KCNH7: variants seen among roughly 807,000 people sequenced by gnomAD.
The protein encoded by KCNH7 is voltage-gated inwardly rectifying potassium channel KCNH7.
In KCNH7, 49 loss-of-function variants were observed where a neutral mutation model predicts 120.8. The observed-to-expected ratio is 0.41, with a 90% CI of 0.32 to 0.51. The LOEUF (loss-of-function observed/expected upper bound fraction) is 0.51, where lower values mean the gene tolerates loss of function less well. Ranked by LOEUF, KCNH7 falls within the 20% of genes least tolerant of loss-of-function variation. The probability of loss-of-function intolerance (pLI) is 0.38; values close to 1 mark genes in which losing one functional copy is unlikely to be tolerated. For missense variants in KCNH7, 1,097 were observed against 1,446.6 expected (o/e 0.76, Z 3.92); for synonymous variants, 547 against 516.1 (o/e 1.06, Z -0.81).
intron 6 of KCNH7, among the ~76,000 whole-genome samples, chr2:162,459,330 AAGT>A (rs1440434674): frequency 6.6e-6 from 1 of 152,130 alleles, no homozygotes; most frequent in Non-Finnish European, 1.5e-5. Flanking sequence ...ATGCAAATAA[AAGT>A]ATAGGAAATT....
intron 2 of KCNH7, among the ~76,000 whole-genome samples, chr2:162,654,500 GTGT>G (rs566794340): frequency 1.1e-4 from 16 of 152,048 alleles, no homozygotes; most frequent in African/African-American, 3.9e-4. Context: ...AAGATAATAA[GTGT>G]TGGTAAGAAT....
intron 6 of KCNH7, among the ~76,000 whole-genome samples, chr2:162,503,339 G>A (rs1670035684): frequency 6.6e-6 from 1 of 151,966 alleles, no homozygotes; most frequent in African/African-American, 2.4e-5. Flanking sequence ...AATAAAATGT[G>A]CGTAACAGTA....
In KCNH7 at chr2:162,703,598, C is replaced by T. The variant is rs148453076; in HGVS notation, c.307+132939G>A. 1.1e-4 allele frequency among the ~76,000 whole-genome samples: 17 copies of T among 152,116 alleles called. No individual in the cohort carries two copies. The East Asian group carries it at 2.3e-3, about 21-fold the overall frequency. On this transcript the variant is annotated intron_variant, in intron 2 of 15. Coordinates refer to ENST00000332142, the MANE Select transcript of KCNH7 (RefSeq NM_033272.4). The stretch of plus-strand genomic sequence containing the variant: ...TTCAAATGACACATGTGCTTAAACA[C>T]GGAGAATGTTAAACATTGTATAAGA...
At chr2:162,689,182 C>T (rs956978533) in intron 2 of KCNH7, among the ~76,000 whole-genome samples, 4 of 145,954 alleles carry the variant, frequency 2.7e-5, no homozygotes, top group African/African-American at 1.0e-4. Flanking sequence ...GATGGAGTTT[C>T]ACTCTTGTTG....
At chr2:162,796,387 A>T (rs1684148192) in intron 2 of KCNH7, 1 of 152,120 alleles carries the variant, frequency 6.6e-6, no homozygotes, top group Admixed American at 6.6e-5. Flanking sequence ...AAGTAAAAAA[A>T]AAACCTGCTC....
In KCNH7 at chr2:162,571,105, T is replaced by C. The variant is rs1269177181; in HGVS notation, c.308-34025A>G. 2.0e-5 allele frequency among the ~76,000 whole-genome samples: 3 copies of C among 151,918 alleles called. No homozygotes were observed. In the East Asian group the frequency reaches 5.9e-4, roughly 30 times the overall value. ...CAATTAGGAAAAGAGGAAGTCAAAT[T>C]GTCCCTGTTTGCAGATGACATGATT... On this transcript the variant is annotated intron_variant, in intron 2 of 15. Coordinates refer to ENST00000332142, the MANE Select transcript of KCNH7 (RefSeq NM_033272.4).
chr2:162,428,647 A>G (rs1687947982), intron 8 of KCNH7, among the ~76,000 whole-genome samples: 1 of 151,852 alleles, frequency 6.6e-6, no homozygotes, highest in Non-Finnish European at 1.5e-5. Context: ...ATAATTATGA[A>G]TTTGTCTTGT....
intron 2 of KCNH7, among the ~76,000 whole-genome samples, chr2:162,766,345 AC>A (rs1464055598): frequency 6.6e-6 from 1 of 152,168 alleles, no homozygotes; most frequent in East Asian, 1.9e-4. Context: ...CAAAAATCCA[AC>A]TACAAGAAAG....
intron 2 of KCNH7, among the ~76,000 whole-genome samples, chr2:162,728,881 A>G (rs1378089068): frequency 6.6e-6 from 1 of 152,212 alleles, no homozygotes; most frequent in Non-Finnish European, 1.5e-5. Flanking sequence ...TGCTTAATGC[A>G]AAAGTATGAA....
At chr2:162,824,783 G>A (rs1685227602) in intron 2 of KCNH7, among the ~76,000 whole-genome samples, 1 of 151,860 alleles carries the variant, frequency 6.6e-6, no homozygotes, top group Non-Finnish European at 1.5e-5. Flanking sequence ...CTAGAAGATT[G>A]TTTATTTATT....
chr2:162,786,130 C>G lies in KCNH7; in HGVS notation c.307+50407G>C, dbSNP rs189416198. On this transcript the variant is annotated intron_variant, in intron 2 of 15. Coordinates refer to ENST00000332142, the MANE Select transcript of KCNH7 (RefSeq NM_033272.4). The stretch of plus-strand genomic sequence containing the variant: ...TGGTGGTGTGTGCCTGTAATCCCAG[C>G]TACTCAGGGGGCTGAGGCAGGGGAA... Among the ~76,000 whole-genome samples, 15 of 151,694 alleles carry G rather than the reference C, an allele frequency of 9.9e-5. No individual in the cohort carries two copies. In the East Asian group the frequency reaches 2.9e-3, roughly 30 times the overall value.
At chr2:162,769,441 A>T (rs1682954040) in intron 2 of KCNH7, among the ~76,000 whole-genome samples, 1 of 152,126 alleles carries the variant, frequency 6.6e-6, no homozygotes, top group African/African-American at 2.4e-5. Flanking sequence ...AAACAAATTT[A>T]ATGAATATTC....
At chr2:162,536,538 AT>A (rs1244412677) in intron 3 of KCNH7, among the ~76,000 whole-genome samples, 2 of 151,948 alleles carry the variant, frequency 1.3e-5, no homozygotes, top group Admixed American at 6.6e-5. Flanking sequence ...TGAAAAGATT[AT>A]ATATGCATCA....
At chr2:162,540,620 T>C (rs1282972409) in intron 2 of KCNH7, among the ~76,000 whole-genome samples, 3 of 151,956 alleles carry the variant, frequency 2.0e-5, no homozygotes, top group Non-Finnish European at 2.9e-5. Flanking sequence ...ACTAGGGCTG[T>C]GTATGGTTGT....
At position 162,539,545 on chromosome 2, in the gene KCNH7, T is replaced by C. The variant is rs536230596; in HGVS notation, c.308-2465A>G. On this transcript the variant is annotated intron_variant, in intron 2 of 15. Coordinates refer to ENST00000332142, the MANE Select transcript of KCNH7 (RefSeq NM_033272.4). The stretch of plus-strand genomic sequence containing the variant: ...TTTTCTAATACAAGTGTTTGAAAAT[T>C]TACTGTCTAAATCAGTAAATTTTCT... Among the ~76,000 whole-genome samples, 6 of 152,140 alleles carry C rather than the reference T, an allele frequency of 3.9e-5. No homozygotes were observed. The East Asian group carries it at 7.8e-4, about 20-fold the overall frequency.
At chr2:162,486,574 G>GA (rs1192435737) in intron 6 of KCNH7, among the ~76,000 whole-genome samples, 1 of 151,938 alleles carries the variant, frequency 6.6e-6, no homozygotes, top group African/African-American at 2.4e-5. Context: ...AAAACAAGGA[G>GA]AAAAAATAGG....
intron 6 of KCNH7, among the ~76,000 whole-genome samples, chr2:162,480,756 T>C (rs961345821): frequency 2.6e-5 from 4 of 152,152 alleles, no homozygotes; most frequent in Admixed American, 6.5e-5. Flanking sequence ...ATCCATGATA[T>C]GAAGGGAACA....
chr2:162,748,530 G>C (rs537841464), intron 2 of KCNH7, among the ~76,000 whole-genome samples: 1 of 152,244 alleles, frequency 6.6e-6, no homozygotes, highest in African/African-American at 2.4e-5. Flanking sequence ...AATGAAAATA[G>C]AAGACTCCTC....
chr2:162,536,855 A>G (rs912642442), intron 3 of KCNH7, 70 bp downstream of exon 3: 2 of 1,274,318 alleles, frequency 1.6e-6, no homozygotes, highest in Non-Finnish European at 2.2e-6. Flanking sequence ...AATTGAAATG[A>G]AGACTGTATT....
Sources: gnomAD v4.1 joint callset for allele counts (sites outside exome capture counted in the v4.1 genomes callset) on GRCh38, gnomAD v4.1.1 for gene constraint, MANE v1.5 for transcripts, NCBI Gene and HGNC (gene_info 2026-07-23, HGNC 2026-07-21) for gene names.